Variants in PDZD2 observed in about 807,000 individuals in gnomAD.
The protein encoded by PDZD2 is PDZ domain-containing protein 2.
PDZD2 carries 90 observed loss-of-function variants against 220.7 expected under a neutral mutation model. The ratio of observed to expected loss-of-function variants is 0.41; its 90% CI spans 0.34 to 0.49. The LOEUF is 0.49. PDZD2 is among the 20% of genes least tolerant of loss of function. PDZD2 has a pLI of 0.28. For missense variants in PDZD2, 3,174 were observed against 3,608.5 expected, an observed-to-expected ratio of 0.88 and a Z score of 3.08; for synonymous variants, 1,375 against 1,450.5, an observed-to-expected ratio of 0.95 and a Z score of 1.18.
chr5:31,649,059 T>C (rs1721903604), intron 1 of PDZD2, among the ~76,000 whole-genome samples: 1 of 152,114 alleles, frequency 6.6e-6, no homozygotes. Flanking sequence ...TTTGTTTTTT[T>C]AAGAGATGGG....
intron 1 of PDZD2, among the ~76,000 whole-genome samples, chr5:31,722,397 TC>T (rs1748861527): frequency 1.4e-5 from 2 of 147,354 alleles, no homozygotes; most frequent in African/African-American, 4.9e-5. Flanking sequence ...CCTGGAACCC[TC>T]CCACCCTCTC....
At chr5:31,724,387 G>A (rs1025301980) in intron 1 of PDZD2, among the ~76,000 whole-genome samples, 3 of 152,106 alleles carry the variant, frequency 2.0e-5, no homozygotes, top group African/African-American at 7.2e-5. Context: ...CGGATCACCT[G>A]AGGTTGGGAA....
rs567346689 is a variant in PDZD2 at position 31,774,344 on chromosome 5, C to T, written c.-360-24545C>T. On this transcript the variant is annotated intron_variant, in intron 1 of 24. Coordinates refer to ENST00000438447, the MANE Select transcript of PDZD2 (RefSeq NM_178140.4). Reference sequence around the variant, plus strand: ...GAGCTCAGAAGGGAAAGAAACCACCCCCTTTGCCAAAAAGTTGATCATTGT... The same window carrying T: ...GAGCTCAGAAGGGAAAGAAACCACCTCCTTTGCCAAAAAGTTGATCATTGT... 2.6e-5 allele frequency among the ~76,000 whole-genome samples: 4 copies of T among 151,998 alleles called. No homozygotes were observed. In the South Asian group the frequency reaches 8.3e-4, roughly 32 times the overall value.
intron 2 of PDZD2, chr5:31,908,882 CA>C: frequency 4.8e-6 from 2 of 419,572 alleles, no homozygotes; most frequent in Non-Finnish European, 8.9e-6. Context: ...CTGTCCCTAC[CA>C]AAAATACAGA....
intron 1 of PDZD2, among the ~76,000 whole-genome samples, chr5:31,678,916 T>C (rs1190337849): frequency 1.3e-5 from 2 of 152,206 alleles, no homozygotes; most frequent in African/African-American, 2.4e-5. Context: ...CTATATTTCT[T>C]TTTTTTCCCC....
At chr5:32,061,859 G>A (rs1243061707) in intron 14 of PDZD2, among the ~76,000 whole-genome samples, 1 of 152,022 alleles carries the variant, frequency 6.6e-6, no homozygotes, top group African/African-American at 2.4e-5. Flanking sequence ...CTTAAACTTG[G>A]GTAATATACT....
At chr5:31,951,936 A>G (rs182108544) in intron 2 of PDZD2, among the ~76,000 whole-genome samples, 3 of 152,208 alleles carry the variant, frequency 2.0e-5, no homozygotes, top group Admixed American at 6.5e-5. Context: ...ATTTTTGTCT[A>G]TTTTTTGTTT....
Position 31,878,555 on chromosome 5 carries a change from C to CTTTTTTTTTTTTTTTTTTTTTTTTTTTT in PDZD2, c.476+78855_476+78856insTTTTTTTTTTTTTTTTTTTTTTTTTTTT, listed in dbSNP as rs397884384. Among the ~76,000 whole-genome samples, 11 of 48,196 alleles carry CTTTTTTTTTTTTTTTTTTTTTTTTTTTT rather than the reference C, an allele frequency of 2.3e-4. 3 individuals carry two copies. Among genetic ancestry groups the CTTTTTTTTTTTTTTTTTTTTTTTTTTTT allele is most frequent in the African/African-American group, 3.5e-4 (5 of 14,368 alleles). The allele number at this position is 48,196 out of a possible 152,430, so 31.6% of individuals were successfully genotyped here. A position where few individuals can be genotyped will look rare whatever the true frequency, so the allele number is the denominator to read the frequency against. ...TTCTTTGGTGGTCAGATGACCTCGG[C>CTTTTTTTTTTTTTTTTTTTTTTTTTTTT]TTTTTTTTTTTTTTTTTTTTTTTTG... is the stretch of plus-strand genomic sequence containing the variant. On this transcript the variant is annotated intron_variant, in intron 2 of 24. Coordinates refer to ENST00000438447, the MANE Select transcript of PDZD2 (RefSeq NM_178140.4).
At chr5:32,033,773 C>T (rs1180365568) in intron 6 of PDZD2, among the ~76,000 whole-genome samples, 1 of 152,130 alleles carries the variant, frequency 6.6e-6, no homozygotes, top group Non-Finnish European at 1.5e-5. Context: ...GCACTCACCA[C>T]CACACCCGGC....
intron 18 of PDZD2, among the ~76,000 whole-genome samples, chr5:32,076,309 ACAAAT>A (rs1346151840): frequency 2.8e-5 from 4 of 142,960 alleles, no homozygotes; most frequent in South Asian, 2.3e-4. Flanking sequence ...AAAAAAAAAA[ACAAAT>A]CACAAGTTTT....
At chr5:32,063,436 C>A (rs575145035) in intron 14 of PDZD2, among the ~76,000 whole-genome samples, 71 of 152,260 alleles carry the variant, frequency 4.7e-4, no homozygotes, top group African/African-American at 1.6e-3. Context: ...GCCTGGGTAC[C>A]ACCAGCCCAT....
chr5:32,056,034 A>C (rs1284689875), intron 10 of PDZD2, among the ~76,000 whole-genome samples: 1 of 152,242 alleles, frequency 6.6e-6, no homozygotes, highest in African/African-American at 2.4e-5. Context: ...ATTTACAAGA[A>C]ACGTAAGTCA....
chr5:31,836,228 CTTTT>C (rs34323361), intron 2 of PDZD2, among the ~76,000 whole-genome samples: 1 of 122,172 alleles, frequency 8.2e-6, no homozygotes, highest in Non-Finnish European at 1.6e-5. Context: ...ATTTTATTGG[CTTTT>C]TTTTTTTTTT....
intron 6 of PDZD2, among the ~76,000 whole-genome samples, chr5:32,031,923 T>C (rs1755152578): frequency 6.6e-6 from 1 of 152,234 alleles, no homozygotes; most frequent in South Asian, 2.1e-4. Context: ...GCACAATCCG[T>C]GCTGCTGCCT....
At chr5:31,892,505 G>A (rs1216678348) in intron 2 of PDZD2, among the ~76,000 whole-genome samples, 1 of 152,192 alleles carries the variant, frequency 6.6e-6, no homozygotes, top group Non-Finnish European at 1.5e-5. Context: ...GGCAGGTTGG[G>A]CATCTACTGT....
intron 10 of PDZD2, among the ~76,000 whole-genome samples, chr5:32,056,840 C>T (rs1008555888): frequency 6.6e-6 from 1 of 152,042 alleles, no homozygotes; most frequent in African/African-American, 2.4e-5. Flanking sequence ...CTGTAATCCC[C>T]GCACTTTGGG....
At chr5:31,857,024 C>A (rs1223224403) in intron 2 of PDZD2, among the ~76,000 whole-genome samples, 3 of 151,966 alleles carry the variant, frequency 2.0e-5, no homozygotes, top group Middle Eastern at 3.4e-3. Flanking sequence ...AGTTCTTTGT[C>A]TTTTCTAGAG....
chr5:32,064,538 C>T (rs569834424), intron 14 of PDZD2, among the ~76,000 whole-genome samples: 27 of 152,248 alleles, frequency 1.8e-4, no homozygotes, highest in African/African-American at 4.6e-4. Context: ...CCACCACGCC[C>T]GGCCTCAATC....
rs150096190 is a variant in PDZD2, at chr5:31,764,768, T to C, written c.-360-34121T>C. Among the ~76,000 whole-genome samples, 851 of 152,286 alleles carry C rather than the reference T, an allele frequency of 5.6e-3. 5 individuals carry two copies. Among genetic ancestry groups the C allele is most frequent in the Admixed American group, 0.018 (272 of 15,296 alleles). ...TCCTGAATCGCCTTGGCAAGGTTGT[T>C]ACCATTGCTTCAGAATTGCCCAAAG... is the stretch of plus-strand genomic sequence containing the variant. On this transcript the variant is annotated intron_variant, in intron 1 of 24. Transcript: ENST00000438447.
Sources: allele counts gnomAD v4.1 joint callset (sites outside exome capture counted in the v4.1 genomes callset), GRCh38; gene constraint gnomAD v4.1.1; transcripts MANE v1.5; gene names NCBI Gene and HGNC (gene_info 2026-07-23, HGNC 2026-07-21).